Variants in BYSL observed in about 807,000 individuals in gnomAD.
BYSL encodes bystin like.
In BYSL, 21 loss-of-function variants were observed where a neutral mutation model predicts 45.4. That is an observed-to-expected ratio of 0.46 (90% CI 0.33 to 0.67). The LOEUF (loss-of-function observed/expected upper bound fraction) is 0.67, where lower values mean the gene tolerates loss of function less well. Ranked by LOEUF, BYSL falls within the 30% of genes least tolerant of loss-of-function variation. The pLI is 0.02. For missense variants in BYSL, 522 were observed against 578.5 expected (o/e 0.90, Z 1.00); for synonymous variants, 215 against 231.3 (o/e 0.93, Z 0.64).
intron 1 of BYSL, among the ~76,000 whole-genome samples, chr6:41,923,724 T>TCTCTACAAA (rs1470262200): frequency 2.0e-5 from 3 of 152,088 alleles, no homozygotes; most frequent in Non-Finnish European, 2.9e-5. Context: ...TGTGAGCTAC[T>TCTCTACAAA]GCACCCTGCC....
In BYSL at chr6:41,932,715, GTC is replaced by G. The variant is rs1775659476; in HGVS notation, c.*10_*11del. The G allele has an allele frequency of 6.3e-7, 1 of 1,598,856 alleles. No homozygotes were observed. Among genetic ancestry groups the G allele is most frequent in the African/African-American group, 1.3e-5 (1 of 74,694 alleles). On this transcript the variant is annotated 3_prime_UTR_variant, in exon 7 of 7. Coordinates refer to ENST00000230340, the MANE Select transcript of BYSL (RefSeq NM_004053.4). The surrounding 1 kb of genome is among the most constrained non-coding windows in gnomAD (Gnocchi z 4.7). The stretch of plus-strand genomic sequence containing the variant: ...CCATCACCGTGGAGTGAGGAAAACA[GTC>G]AGCTGTCCTGGCCAAAGGGGTTTGG...
chr6:41,928,311 G>C (rs1049823265), intron 2 of BYSL, among the ~76,000 whole-genome samples: 2 of 152,122 alleles, frequency 1.3e-5, no homozygotes, highest in African/African-American at 4.8e-5. Context: ...GCTGTTTTGG[G>C]CTAATGCATC....
chr6:41,929,271 C>T lies in BYSL; in HGVS notation c.432-861C>T, dbSNP rs180915588. On this transcript the variant is annotated intron_variant, in intron 2 of 6. Transcript: ENST00000230340. ...GACCTGTAATCTTAGCACTTTGGGA[C>T]GCCAAGGCAGGAGCCCAGGAGTGTG... is the stretch of plus-strand genomic sequence containing the variant. Among the ~76,000 whole-genome samples, 180 of 152,216 alleles carry T rather than the reference C, an allele frequency of 1.2e-3. No homozygotes were observed. In the Middle Eastern group the frequency reaches 0.024, roughly 20 times the overall value.
upstream of BYSL, among the ~76,000 whole-genome samples, chr6:41,918,765 G>A (rs1403450427): frequency 3.3e-5 from 5 of 150,686 alleles, no homozygotes; most frequent in Admixed American, 1.3e-4. Flanking sequence ...GGCTAACAAG[G>A]TGAAACCCCG....
upstream of BYSL, chr6:41,916,648 T>C: frequency 9.7e-7 from 1 of 1,029,536 alleles, no homozygotes; most frequent in Non-Finnish European, 1.4e-6. Flanking sequence ...AACCAAGAAT[T>C]AATGACGTCA....
rs1405262591 is a variant in BYSL at position 41,931,762 on chromosome 6, T to C, written c.900T>C (p.Cys300=). ...ILIPLCESGT[C]TLREAIIVGS... is the part of the protein sequence containing the mutation. ...TTCCACTGTGCGAGTCTGGCACTTG[T>C]ACCCTCCGGGAAGCCATCATTGTGG... Residue 300 remains cysteine, a synonymous_variant, in exon 6 of 7, where the codon TGT becomes TGC. Coordinates refer to ENST00000230340, the MANE Select transcript of BYSL (RefSeq NM_004053.4). 2.5e-6 allele frequency: 4 copies of C among 1,614,016 alleles called. No individual in the cohort carries two copies. Among genetic ancestry groups the C allele is most frequent in the African/African-American group, 2.7e-5 (2 of 74,902 alleles).
At chr6:41,917,449 G>A (rs1037975823), upstream of BYSL, 6 of 203,240 alleles carry the variant, frequency 3.0e-5, no homozygotes, top group Non-Finnish European at 1.0e-5. Context: ...TTAGAGTGGG[G>A]AAGAGTAGAA....
At chr6:41,927,570 T>G in intron 2 of BYSL, 34 bp downstream of exon 2, 1 of 1,606,018 alleles carries the variant, frequency 6.2e-7, no homozygotes, top group Non-Finnish European at 8.5e-7. Flanking sequence ...TGAGTCCTTG[T>G]AGAAAGTTCC....
At chr6:41,917,357 G>A (rs186671075), upstream of BYSL, 22 of 169,486 alleles carry the variant, frequency 1.3e-4, no homozygotes, top group Admixed American at 6.1e-4. Flanking sequence ...CCGAGACTGC[G>A]CCCTTGCACT....
chr6:41,930,365 A>G (rs918291589), intron 3 of BYSL, 95 bp downstream of exon 3: 4 of 1,471,340 alleles, frequency 2.7e-6, no homozygotes, highest in Non-Finnish European at 3.6e-6. Flanking sequence ...ATCACATACT[A>G]AAGAAGTCAT....
intron 1 of BYSL, among the ~76,000 whole-genome samples, chr6:41,922,919 A>ACTCCTCTCTCTCCCTGCCCCCACCAT (rs1474206474): frequency 6.6e-6 from 1 of 151,074 alleles, no homozygotes; most frequent in Non-Finnish European, 1.5e-5. Context: ...TAAACTTTAG[A>ACTCCTCTCTCTCCCTGCCCCCACCAT]CTCCTCTCTC....
chr6:41,921,085 A>C (rs1349966198), upstream of BYSL: 1 of 1,598,154 alleles, frequency 6.3e-7, no homozygotes, highest in African/African-American at 1.4e-5. Context: ...CGCCCACAGA[A>C]ACTCCTTCAG....
intron 1 of BYSL, among the ~76,000 whole-genome samples, chr6:41,926,358 C>G (rs966602435): frequency 1.3e-5 from 2 of 152,174 alleles, no homozygotes; most frequent in Admixed American, 6.5e-5. Flanking sequence ...TCATTTGAAA[C>G]TGGGTATAGT....
At chr6:41,915,789 A>AACACACACACACACACACACACACACAC in the BYSL span, among the ~76,000 whole-genome samples, 1,801 of 148,610 alleles carry the variant, frequency 0.012, 36 homozygotes, top group African/African-American at 0.036. Flanking sequence ...TCCGTCTCAA[A>AACACACACACACACACACACACACACAC]ACACACACAC....
chr6:41,928,333 C>T (rs527923300), intron 2 of BYSL, among the ~76,000 whole-genome samples: 78 of 152,264 alleles, frequency 5.1e-4, no homozygotes, highest in Admixed American at 8.5e-4. Flanking sequence ...CATTGCTAAT[C>T]ATACTATAAA....
chr6:41,923,771 G>C (rs961902838), intron 1 of BYSL, among the ~76,000 whole-genome samples: 1 of 152,056 alleles, frequency 6.6e-6, no homozygotes, highest in African/African-American at 2.4e-5. Context: ...CACAGGTGGG[G>C]GATTACAATG....
At chr6:41,911,314 C>G in the BYSL span, among the ~76,000 whole-genome samples, 2 of 151,752 alleles carry the variant, frequency 1.3e-5, no homozygotes, top group African/African-American at 4.8e-5. Flanking sequence ...CCACACCTGG[C>G]TAATTTTTGT....
chr6:41,917,623 A>T (rs1775348417), upstream of BYSL: 1 of 381,580 alleles, frequency 2.6e-6, no homozygotes, highest in Admixed American at 2.8e-5. Context: ...AGGGCAATGA[A>T]CTTCCTATCA....
At chr6:41,917,945 C>A, upstream of BYSL, 2 of 301,422 alleles carry the variant, frequency 6.6e-6, no homozygotes, top group Non-Finnish European at 7.4e-6. Flanking sequence ...AAGCAGTCTT[C>A]AAGTTTATAA....
Sources: allele counts gnomAD v4.1 joint callset (sites outside exome capture counted in the v4.1 genomes callset), GRCh38; gene constraint gnomAD v4.1.1; non-coding constraint Gnocchi (gnomAD v3.1); transcripts MANE v1.5; gene names NCBI Gene and HGNC (gene_info 2026-07-23, HGNC 2026-07-21).